The following BRINP3 variants were observed in gnomAD, a reference collection of about 807,000 sequenced individuals.
The protein encoded by BRINP3 is BMP/retinoic acid inducible neural specific 3.
A neutral mutation model predicts 71.0 loss-of-function variants in BRINP3; 19 were observed. The ratio of observed to expected loss-of-function variants is 0.27; its 90% CI spans 0.19 to 0.39. The LOEUF (loss-of-function observed/expected upper bound fraction) is 0.39. Among genes scored for constraint, BRINP3 ranks in the 10% least tolerant of loss-of-function variants. BRINP3 has a pLI of 1.00. For synonymous variants in BRINP3, 380 were observed against 337.7 expected, an observed-to-expected ratio of 1.13 and a Z score of -1.37; for missense variants, 959 against 940.8, an observed-to-expected ratio of 1.02 and a Z score of -0.25.
chr1:190,249,859 C>T (rs1050864869), intron 4 of BRINP3, among the ~76,000 whole-genome samples: 1 of 151,612 alleles, frequency 6.6e-6, no homozygotes, highest in African/African-American at 2.4e-5. Flanking sequence ...CTTACCAAAA[C>T]CTCTAAATTT....
intron 6 of BRINP3, among the ~76,000 whole-genome samples, chr1:190,167,275 A>G (rs1651637578): frequency 6.6e-6 from 1 of 152,160 alleles, no homozygotes; most frequent in Admixed American, 6.6e-5. Flanking sequence ...AATTGAGAGC[A>G]TATGTGGTTT....
chr1:190,283,686 T>C (rs913278530), intron 2 of BRINP3, among the ~76,000 whole-genome samples: 3 of 149,532 alleles, frequency 2.0e-5, no homozygotes, highest in African/African-American at 7.3e-5. Context: ...AATTTAAACA[T>C]TGACAAAAGA....
At chr1:190,385,949 G>T (rs1379527513) in intron 2 of BRINP3, among the ~76,000 whole-genome samples, 5 of 147,748 alleles carry the variant, frequency 3.4e-5, no homozygotes, top group Non-Finnish European at 7.5e-5. Flanking sequence ...GATGAAATTG[G>T]AAATCATCAT....
intron 6 of BRINP3, among the ~76,000 whole-genome samples, chr1:190,216,371 A>G (rs1382091174): frequency 6.6e-6 from 1 of 151,372 alleles, no homozygotes; most frequent in Non-Finnish European, 1.5e-5. Flanking sequence ...ATTCTATACT[A>G]TTTTTATTGT....
At chr1:190,245,855 T>C (rs537293916) in intron 4 of BRINP3, among the ~76,000 whole-genome samples, 2 of 150,676 alleles carry the variant, frequency 1.3e-5, no homozygotes, top group African/African-American at 2.4e-5. Flanking sequence ...ATGCGGTGTT[T>C]GGTTTTTTTG....
intron 6 of BRINP3, among the ~76,000 whole-genome samples, chr1:190,176,713 G>C (rs941933682): frequency 6.6e-6 from 1 of 151,880 alleles, no homozygotes; most frequent in African/African-American, 2.4e-5. Context: ...CTGAAGGGAC[G>C]GGCTACGTTA....
At chr1:190,460,616 T>C (rs545841046) in intron 1 of BRINP3, among the ~76,000 whole-genome samples, 3 of 152,206 alleles carry the variant, frequency 2.0e-5, no homozygotes, top group Middle Eastern at 3.2e-3. Context: ...TAAGTCTTAA[T>C]AAAGATAGTG....
At chr1:190,106,393 T>C (rs1223636722) in intron 7 of BRINP3, among the ~76,000 whole-genome samples, 1 of 151,756 alleles carries the variant, frequency 6.6e-6, no homozygotes, top group East Asian at 1.9e-4. Context: ...TCAAAACCTT[T>C]ATTGCTCTTA....
At chr1:190,135,827 G>A (rs977065141) in intron 7 of BRINP3, among the ~76,000 whole-genome samples, 3 of 152,042 alleles carry the variant, frequency 2.0e-5, no homozygotes, top group Non-Finnish European at 4.4e-5. Flanking sequence ...AAGGCAGAAT[G>A]CAGCACAGCA....
At chr1:190,239,555 C>G (rs1251568434) in intron 4 of BRINP3, among the ~76,000 whole-genome samples, 1 of 152,000 alleles carries the variant, frequency 6.6e-6, no homozygotes, top group Non-Finnish European at 1.5e-5. Context: ...CTAGAAATAT[C>G]CTATTTTTTA....
chr1:190,177,287 T>G, intron 6 of BRINP3, among the ~76,000 whole-genome samples: 1 of 149,284 alleles, frequency 6.7e-6, no homozygotes, highest in Admixed American at 6.7e-5. Flanking sequence ...CTCAGTCTCC[T>G]GAGTAGCTGG....
intron 2 of BRINP3, among the ~76,000 whole-genome samples, chr1:190,424,778 T>C (rs958227557): frequency 4.6e-5 from 7 of 151,706 alleles, no homozygotes; most frequent in African/African-American, 1.4e-4. Context: ...CATGGCAAAC[T>C]AAATCTAGAA....
chr1:190,301,212 T>TATATAC (rs1558160725), intron 2 of BRINP3, among the ~76,000 whole-genome samples: 2 of 68,306 alleles, frequency 2.9e-5, no homozygotes, highest in East Asian at 7.0e-4. Context: ...TACATATATA[T>TATATAC]ATATATATAT....
At chr1:190,324,343 C>T (rs1166874339) in intron 2 of BRINP3, among the ~76,000 whole-genome samples, 2 of 151,838 alleles carry the variant, frequency 1.3e-5, no homozygotes, top group African/African-American at 4.8e-5. Flanking sequence ...TCACACATGC[C>T]TGTCTCCAAT....
At chr1:190,328,894 C>T (rs1666782585) in intron 2 of BRINP3, among the ~76,000 whole-genome samples, 1 of 151,846 alleles carries the variant, frequency 6.6e-6, no homozygotes, top group Admixed American at 6.6e-5. Context: ...ATGTGATTCA[C>T]CACATAAACA....
chr1:190,412,471 T>G (rs182622534), intron 2 of BRINP3, among the ~76,000 whole-genome samples: 4,030 of 108,192 alleles, frequency 0.037, 79 homozygotes, highest in Non-Finnish European at 0.053. Flanking sequence ...TTTTTGTTTT[T>G]TTTTTTTTTG....
intron 4 of BRINP3, among the ~76,000 whole-genome samples, chr1:190,252,063 A>C (rs1336041406): frequency 6.6e-6 from 1 of 152,076 alleles, no homozygotes; most frequent in Non-Finnish European, 1.5e-5. Flanking sequence ...ATCAAAAGTC[A>C]CTTTGTATAT....
chr1:190,379,091 T>C (rs533168624), intron 2 of BRINP3, among the ~76,000 whole-genome samples: 1 of 152,282 alleles, frequency 6.6e-6, no homozygotes, highest in East Asian at 1.9e-4. Flanking sequence ...TAAAAATAAC[T>C]TTAAGTACAA....
chr1:190,196,077 C>T (rs1654451262), intron 6 of BRINP3, among the ~76,000 whole-genome samples: 1 of 152,138 alleles, frequency 6.6e-6, no homozygotes, highest in African/African-American at 2.4e-5. Context: ...TCTCATGTAA[C>T]ATTTTCAAAA....
Sources: allele counts gnomAD v4.1 joint callset (sites outside exome capture counted in the v4.1 genomes callset), GRCh38; gene constraint gnomAD v4.1.1; transcripts MANE v1.5; gene names NCBI Gene and HGNC (gene_info 2026-07-23, HGNC 2026-07-21).